Variants in ADAR observed in about 807,000 individuals in gnomAD.
ADAR encodes the protein double-stranded RNA-specific adenosine deaminase.
A neutral mutation model predicts 113.2 loss-of-function variants in ADAR; 41 were observed. The observed-to-expected ratio is 0.36, with a 90% confidence interval of 0.28 to 0.47. ADAR has a LOEUF of 0.47. Among genes scored for constraint, ADAR ranks in the 20% least tolerant of loss-of-function variants. The pLI, the probability that ADAR is intolerant of heterozygous loss-of-function variation, is 1.00. For missense variants in ADAR, 1,242 were observed against 1,540.9 expected, an observed-to-expected ratio of 0.81 and a Z score of 3.25; for synonymous variants, 605 against 572.6, an observed-to-expected ratio of 1.06 and a Z score of -0.81.
chr1:154,594,356 CA>C (rs1289489678), intron 6 of ADAR, among the ~76,000 whole-genome samples: 1 of 152,108 alleles, frequency 6.6e-6, no homozygotes, highest in Non-Finnish European at 1.5e-5. Context: ...ACACAGTTGC[CA>C]GTTTTTTCGA....
Position 154,608,056 on chromosome 1 carries a change from G to T in ADAR, c.-50C>A. 6.5e-7 allele frequency: 1 copy of T among 1,545,196 alleles called. No homozygotes were observed. Among genetic ancestry groups the T allele is most frequent in the Non-Finnish European group, 8.7e-7 (1 of 1,145,086 alleles). On this transcript the variant is annotated 5_prime_UTR_variant, in exon 1 of 15. Transcript: ENST00000368474. ...CCGACCCGCCGGCGGCACGACCCTG[G>T]CCCGACCGCTGGGCCGCGCCAGCCC...
At chr1:154,589,957 C>T in intron 7 of ADAR, 29 bp from the exon 8 acceptor site, 1 of 1,613,016 alleles carries the variant, frequency 6.2e-7, no homozygotes, top group Non-Finnish European at 8.5e-7. Context: ...GTGTCAGCAC[C>T]ACAAAGCTGA....
At position 154,583,013 on chromosome 1, in the gene ADAR, G is replaced by A. The variant is rs1190026141; in HGVS notation, c.*1793C>T. 6.6e-6 allele frequency: 1 copy of A among 152,246 alleles called. No individual in the cohort carries two copies. Among genetic ancestry groups the A allele is most frequent in the African/African-American group, 2.4e-5 (1 of 41,452 alleles). 9.4% of individuals were successfully genotyped at this position (152,246 alleles called of 1,614,324 possible). A position where few individuals can be genotyped will look rare whatever the true frequency, so the allele number is the denominator to read the frequency against. ...CAATTTTTGGTCAAAAGTACAGAGA[G>A]CATAGAATAAAAGCAAAGATGTGAA... On this transcript the variant is annotated 3_prime_UTR_variant, in exon 15 of 15. Coordinates refer to ENST00000368474, the MANE Select transcript of ADAR (RefSeq NM_001111.5).
At chr1:154,591,711 A>G (rs1324329220) in intron 6 of ADAR, among the ~76,000 whole-genome samples, 1 of 152,238 alleles carries the variant, frequency 6.6e-6, no homozygotes, top group Non-Finnish European at 1.5e-5. Flanking sequence ...CATATAACAG[A>G]GGCTTCAGTT....
intron 9 of ADAR, among the ~76,000 whole-genome samples, 169 bp from the exon 10 acceptor site, chr1:154,588,842 ATAGT>A (rs1696938075): frequency 6.6e-6 from 1 of 152,252 alleles, no homozygotes; most frequent in African/African-American, 2.4e-5. Flanking sequence ...TTCATAAAGC[ATAGT>A]TAGCCTTTTG....
chr1:154,599,566 A>G (rs560292571), intron 2 of ADAR, among the ~76,000 whole-genome samples: 1 of 152,336 alleles, frequency 6.6e-6, no homozygotes, highest in East Asian at 1.9e-4. Context: ...GAAGACAGTC[A>G]AGACAAGGAA....
At chr1:154,598,107 G>T in intron 3 of ADAR, 131 bp from the exon 4 acceptor site, 3 of 1,095,878 alleles carry the variant, frequency 2.7e-6, no homozygotes, top group South Asian at 2.7e-5. Flanking sequence ...AAAGTTAAAG[G>T]GGCTGCTGGA....
intron 1 of ADAR, chr1:154,605,889 TAA>T: frequency 1.3e-6 from 1 of 760,880 alleles, no homozygotes; most frequent in Non-Finnish European, 1.6e-6. Flanking sequence ...TAGAGTCAGT[TAA>T]AAGCTAAATG....
chr1:154,609,026 G>A (rs374491889), upstream of ADAR, among the ~76,000 whole-genome samples: 253 of 152,304 alleles, frequency 1.7e-3, no homozygotes, highest in African/African-American at 5.7e-3. Context: ...CAGGCAAATG[G>A]TTAAGTACTT....
At chr1:154,617,344 A>G (rs1435368290) in intron 1 of ADAR, among the ~76,000 whole-genome samples, 1 of 152,170 alleles carries the variant, frequency 6.6e-6, no homozygotes. Flanking sequence ...TAGCATATCA[A>G]TCTTTGATGC....
At position 154,624,472 on chromosome 1, in the gene ADAR, T is replaced by A. The variant is rs185823039; in HGVS notation, c.-871+3383A>T. Among the ~76,000 whole-genome samples the A allele has an allele frequency of 1.3e-3, 197 of 152,172 alleles. 1 individual carries two copies. Among genetic ancestry groups the A allele is most frequent in the Non-Finnish European group, 1.8e-3 (120 of 68,012 alleles). ...GTAAGTCACAGTCTATATGGATGGG[T>A]TATATAAATTTTGTATGTTCCTAAT... On this transcript the variant is annotated intron_variant, in intron 1 of 14. Coordinates refer to the ADAR transcript ENST00000368471.
chr1:154,584,545 T>C lies in ADAR; in HGVS notation c.*261A>G. On this transcript the variant is annotated 3_prime_UTR_variant, in exon 15 of 15. Transcript: ENST00000368474. Reference sequence around the variant, plus strand: ...AGGTGCTCAGTGACTATGTATGCTTTGGGTAGAAAGAAAAGATAACTTCTT... The same window carrying C: ...AGGTGCTCAGTGACTATGTATGCTTCGGGTAGAAAGAAAAGATAACTTCTT... 2.1e-6 allele frequency: 1 copy of C among 485,286 alleles called. No individual in the cohort carries two copies. The highest frequency in any genetic ancestry group is 2.7e-5 in the South Asian group (1 of 37,508). 30.1% of individuals were successfully genotyped at this position (485,286 alleles called of 1,614,324 possible). A position where few individuals can be genotyped will look rare whatever the true frequency, so the allele number is the denominator to read the frequency against.
intron 1 of ADAR, among the ~76,000 whole-genome samples, chr1:154,606,374 C>T (rs1457812235): frequency 6.6e-6 from 1 of 152,020 alleles, no homozygotes; most frequent in Non-Finnish European, 1.5e-5. Flanking sequence ...TATTTGTATT[C>T]ACCTGGGGAT....
At chr1:154,588,519 C>G (rs1402208737) in intron 10 of ADAR, 32 bp downstream of exon 10, 1 of 1,612,026 alleles carries the variant, frequency 6.2e-7, no homozygotes. Flanking sequence ...CCTGGCAGGG[C>G]CCACCCTGGC....
chr1:154,589,311 C>T (rs1394381915), intron 9 of ADAR, 58 bp downstream of exon 9: 6 of 1,359,400 alleles, frequency 4.4e-6, no homozygotes, highest in African/African-American at 1.4e-5. Context: ...CCATGTGGGG[C>T]AGGGAACTGG....
intron 1 of ADAR, among the ~76,000 whole-genome samples, chr1:154,626,646 CTAA>C (rs1419677994): frequency 6.6e-6 from 1 of 152,170 alleles, no homozygotes; most frequent in Non-Finnish European, 1.5e-5. Context: ...TGGGCCCTTA[CTAA>C]TAATAGCTAG....
At chr1:154,589,519 G>A in intron 8 of ADAR, 57 bp from the exon 9 acceptor site, 1 of 1,476,370 alleles carries the variant, frequency 6.8e-7, no homozygotes, top group Non-Finnish European at 9.5e-7. Flanking sequence ...TGGAAAACAG[G>A]ATGAAGGCTA....
At chr1:154,586,041 T>C in intron 12 of ADAR, 140 bp downstream of exon 12, 1 of 1,252,694 alleles carries the variant, frequency 8.0e-7, no homozygotes, top group Non-Finnish European at 1.2e-6. Context: ...CACAGCAGAC[T>C]GGACACTCAA....
At position 154,588,468 on chromosome 1, in the gene ADAR, T is replaced by C. The variant is rs1032610176; in HGVS notation, c.2885+83A>G. 8.2e-6 allele frequency: 13 copies of C among 1,589,516 alleles called. 1 individual carries two copies. Among genetic ancestry groups the C allele is most frequent in the Non-Finnish European group, 1.1e-5 (13 of 1,165,730 alleles). On this transcript the variant is annotated intron_variant, in intron 10 of 14. Coordinates refer to ENST00000368474, the MANE Select transcript of ADAR (RefSeq NM_001111.5). ...GTGTGGCTTATTGTATCAGGTTCGATTTACAGGCCAGGAGAGCATTTGGAT... is the reference window on the plus strand; with the variant it reads ...GTGTGGCTTATTGTATCAGGTTCGACTTACAGGCCAGGAGAGCATTTGGAT...
Sources: gnomAD v4.1 joint callset for allele counts (sites outside exome capture counted in the v4.1 genomes callset) on GRCh38, gnomAD v4.1.1 for gene constraint, MANE v1.5 for transcripts, NCBI Gene and HGNC (gene_info 2026-07-23, HGNC 2026-07-21) for gene names.